The following FSTL5 variants were observed in gnomAD, a reference collection of about 807,000 sequenced individuals.
The protein encoded by FSTL5 is follistatin-related protein 5.
Under a neutral mutation model 89.1 loss-of-function variants are expected in FSTL5, and 62 were observed. The observed-to-expected ratio is 0.70, with a 90% confidence interval of 0.57 to 0.86. FSTL5 has a LOEUF of 0.86. Ranked by LOEUF, FSTL5 falls within the 40% of genes least tolerant of loss-of-function variation. The pLI is 0.00. For missense variants in FSTL5, 1,057 were observed against 1,001.6 expected (o/e 1.06, Z -0.75); for synonymous variants, 383 against 346.2 (o/e 1.11, Z -1.18).
chr4:162,097,561 CTA>C (rs1204096908), intron 2 of FSTL5, among the ~76,000 whole-genome samples: 2 of 151,566 alleles, frequency 1.3e-5, no homozygotes, highest in Non-Finnish European at 3.0e-5. Context: ...GTAAGTATTC[CTA>C]TAAGCTAATT....
At chr4:161,525,534 A>C (rs944881115) in intron 10 of FSTL5, among the ~76,000 whole-genome samples, 1 of 152,184 alleles carries the variant, frequency 6.6e-6, no homozygotes, top group Non-Finnish European at 1.5e-5. Flanking sequence ...TGTATGCATG[A>C]AATTAAATCA....
chr4:162,033,603 T>C, intron 3 of FSTL5, 22 bp downstream of exon 3: 1 of 1,356,090 alleles, frequency 7.4e-7, no homozygotes. Context: ...ATAATTGTTA[T>C]CTTAAAGCAA....
At position 162,126,083 on chromosome 4, in the gene FSTL5, A is replaced by G. The variant is rs540893308; in HGVS notation, c.-16-14671T>C. Among the ~76,000 whole-genome samples the G allele has an allele frequency of 8.5e-5, 13 of 152,186 alleles. No homozygotes were observed. The East Asian group carries it at 2.5e-3, about 29-fold the overall frequency. ...AACATATGAAATTAATAAGAATAAT[A>G]ATTCTACCTTTAAAATATAAGAAAT... On this transcript the variant is annotated intron_variant, in intron 1 of 15. Transcript: ENST00000306100.
At chr4:161,528,061 G>A (rs1311379742) in intron 10 of FSTL5, among the ~76,000 whole-genome samples, 4 of 148,540 alleles carry the variant, frequency 2.7e-5, no homozygotes, top group Non-Finnish European at 4.4e-5. Context: ...AACCAAACAC[G>A]GCATATTCTC....
rs149180541 is a variant in FSTL5, at chr4:162,071,484, C to A, written c.127-37826G>T. 1.3e-4 allele frequency among the ~76,000 whole-genome samples: 20 copies of A among 151,624 alleles called. 1 individual carries two copies. In the East Asian group the frequency reaches 2.1e-3, roughly 16 times the overall value. ...ATATGCACTCAATACCAAAGCACCC[C>A]GACATATAACGGAAATGTTATTAGA... On this transcript the variant is annotated intron_variant, in intron 2 of 15. Coordinates refer to ENST00000306100, the MANE Select transcript of FSTL5 (RefSeq NM_020116.5).
At chr4:161,486,568 C>G (rs1330718738) in intron 12 of FSTL5, among the ~76,000 whole-genome samples, 1 of 152,170 alleles carries the variant, frequency 6.6e-6, no homozygotes, top group Non-Finnish European at 1.5e-5. Context: ...TTATGCTTCT[C>G]TACCAATCAG....
At chr4:161,392,920 T>C (rs546221866) in intron 15 of FSTL5, among the ~76,000 whole-genome samples, 8 of 152,160 alleles carry the variant, frequency 5.3e-5, no homozygotes, top group African/African-American at 1.9e-4. Flanking sequence ...TCCCAGCACA[T>C]TGGGATGCTG....
At chr4:161,734,291 T>C (rs964972530) in intron 6 of FSTL5, among the ~76,000 whole-genome samples, 9 of 152,104 alleles carry the variant, frequency 5.9e-5, no homozygotes, top group African/African-American at 2.2e-4. Context: ...CAAACAGAAA[T>C]AAAATATTTT....
intron 4 of FSTL5, among the ~76,000 whole-genome samples, chr4:161,884,889 A>T (rs1000622576): frequency 6.6e-6 from 1 of 152,156 alleles, no homozygotes; most frequent in Non-Finnish European, 1.5e-5. Context: ...GAAAATTGAG[A>T]AATATCAGGA....
chr4:161,518,980 GT>G (rs1215248756), intron 10 of FSTL5, among the ~76,000 whole-genome samples: 2 of 152,144 alleles, frequency 1.3e-5, no homozygotes, highest in Non-Finnish European at 2.9e-5. Flanking sequence ...GGAGGTCTCA[GT>G]TTTTTATTCC....
chr4:161,748,247 T>A (rs926023589), intron 6 of FSTL5, among the ~76,000 whole-genome samples: 1 of 152,162 alleles, frequency 6.6e-6, no homozygotes, highest in Non-Finnish European at 1.5e-5. Flanking sequence ...GTTTTTGAAA[T>A]GCCTATAAAA....
At chr4:161,565,184 A>T (rs187119762) in intron 8 of FSTL5, among the ~76,000 whole-genome samples, 8 of 151,520 alleles carry the variant, frequency 5.3e-5, no homozygotes, top group African/African-American at 1.9e-4. Context: ...AAGCCCTCCA[A>T]TCTATACAGA....
chr4:162,029,707 G>A (rs1454552034), intron 3 of FSTL5, among the ~76,000 whole-genome samples: 1 of 151,930 alleles, frequency 6.6e-6, no homozygotes, highest in African/African-American at 2.4e-5. Flanking sequence ...AAATTTGCAA[G>A]AGAGTCAATA....
At chr4:161,499,150 C>G (rs1030752569) in intron 12 of FSTL5, among the ~76,000 whole-genome samples, 1 of 151,952 alleles carries the variant, frequency 6.6e-6, no homozygotes, top group Non-Finnish European at 1.5e-5. Flanking sequence ...TGCAGTGAGC[C>G]GAGATCACTC....
chr4:161,551,817 C>A (rs1026403708), intron 8 of FSTL5, among the ~76,000 whole-genome samples: 1 of 151,872 alleles, frequency 6.6e-6, no homozygotes, highest in South Asian at 2.1e-4. Context: ...CTTCCTTACA[C>A]CTTATACAAA....
chr4:162,139,311 T>C (rs1354868925), intron 1 of FSTL5, among the ~76,000 whole-genome samples: 1 of 152,098 alleles, frequency 6.6e-6, no homozygotes, highest in Non-Finnish European at 1.5e-5. Flanking sequence ...TTAATGGAGT[T>C]CTTTGTAGGA....
At chr4:161,871,424 G>T (rs17458482) in intron 4 of FSTL5, among the ~76,000 whole-genome samples, 38,010 of 151,836 alleles carry the variant, frequency 0.25, 5,315 homozygotes, top group Non-Finnish European at 0.3. Context: ...ATTTTTATAT[G>T]TCATGTATTT....
chr4:161,464,007 C>T (rs17398873), intron 13 of FSTL5, among the ~76,000 whole-genome samples: 31,087 of 151,462 alleles, frequency 0.21, 3,999 homozygotes, highest in Non-Finnish European at 0.29. Context: ...TTTTTTCATT[C>T]TTTAAGCATC....
intron 6 of FSTL5, among the ~76,000 whole-genome samples, chr4:161,720,169 T>A: frequency 7.1e-6 from 1 of 140,428 alleles, no homozygotes; most frequent in African/African-American, 2.6e-5. Flanking sequence ...AATGTTAATA[T>A]CCAAAATATA....
Sources: allele counts gnomAD v4.1 joint callset (sites outside exome capture counted in the v4.1 genomes callset), GRCh38; gene constraint gnomAD v4.1.1; transcripts MANE v1.5; gene names NCBI Gene and HGNC (gene_info 2026-07-23, HGNC 2026-07-21).